Variants in C12orf42 observed in about 807,000 individuals in gnomAD.
C12orf42 encodes chromosome 12 open reading frame 42, also known as uncharacterized protein C12orf42.
C12orf42 carries 25 observed loss-of-function variants against 21.6 expected under a neutral mutation model. The observed-to-expected ratio is 1.16, with a 90% confidence interval of 0.84 to 1.62. C12orf42 has a LOEUF of 1.62. C12orf42 is among the 40% of genes most tolerant of loss of function. The probability of loss-of-function intolerance (pLI) is 0.00; values close to 1 mark genes in which losing one functional copy is unlikely to be tolerated. For synonymous variants in C12orf42, 174 were observed against 175.0 expected (o/e 0.99, Z 0.05); for missense variants, 483 against 459.3 (o/e 1.05, Z -0.47).
At chr12:103,133,328 A>T in the C12orf42 span, among the ~76,000 whole-genome samples, 4 of 152,072 alleles carry the variant, frequency 2.6e-5, no homozygotes, top group Admixed American at 2.0e-4. Context: ...GAAGCTTAAG[A>T]ACCCACCCAC....
In C12orf42 at chr12:103,302,242, C is replaced by T. The variant is rs532571673; in HGVS notation, c.949G>A (p.Gly317Ser). 5.6e-6 allele frequency: 9 copies of T among 1,611,534 alleles called. No homozygotes were observed. In the South Asian group the frequency reaches 8.8e-5, roughly 16 times the overall value. Reference protein sequence around the residue: ...LAGAPLPLLAGASTHFPSKRL... With the variant: ...LAGAPLPLLASASTHFPSKRL... ...TTGGAGGGGAAATGGGTGGAAGCAC[C>T]GGCCAGCAGAGGAAGGGGCGCTCCT... is the stretch of plus-strand genomic sequence containing the variant. Residue 317 changes from glycine to serine, a missense_variant, in exon 6 of 6, where the codon GGT (glycine) becomes AGT (serine). Gly to Ser is a moderately conservative substitution (Grantham distance 56). Transcript: ENST00000548883.
chr12:103,088,621 C>T, the C12orf42 span, among the ~76,000 whole-genome samples: 2 of 152,188 alleles, frequency 1.3e-5, no homozygotes, highest in African/African-American at 2.4e-5. Context: ...TGCGGAGTCT[C>T]CTCCTATATG....
At chr12:103,328,099 G>T (rs2040873980) in intron 4 of C12orf42, among the ~76,000 whole-genome samples, 1 of 152,140 alleles carries the variant, frequency 6.6e-6, no homozygotes, top group Non-Finnish European at 1.5e-5. Context: ...TCTTCATGGT[G>T]ATAAATGGTC....
chr12:103,416,850 G>T (rs544501633), intron 2 of C12orf42, among the ~76,000 whole-genome samples: 117 of 152,282 alleles, frequency 7.7e-4, no homozygotes, highest in African/African-American at 2.8e-3. Flanking sequence ...TTCAAAGCAA[G>T]CTTTGCAACT....
intron 2 of C12orf42, among the ~76,000 whole-genome samples, chr12:103,417,130 T>C (rs2049421880): frequency 6.6e-6 from 1 of 152,144 alleles, no homozygotes; most frequent in Non-Finnish European, 1.5e-5. Context: ...GAACATAAAC[T>C]AAAAAGAGTA....
At chr12:103,430,607 T>C (rs1309061805) in intron 2 of C12orf42, among the ~76,000 whole-genome samples, 1 of 152,172 alleles carries the variant, frequency 6.6e-6, no homozygotes, top group African/African-American at 2.4e-5. Flanking sequence ...GCAAACCCAT[T>C]ACTGGGTATA....
intron 2 of C12orf42, among the ~76,000 whole-genome samples, chr12:103,441,786 G>A (rs1159878969): frequency 2.6e-5 from 4 of 152,132 alleles, no homozygotes; most frequent in Admixed American, 2.6e-4. Flanking sequence ...TTGAGAAAAG[G>A]GGAAGTGTGA....
intron 4 of C12orf42, among the ~76,000 whole-genome samples, chr12:103,290,862 T>C (rs569041805): frequency 6.6e-6 from 1 of 151,966 alleles, no homozygotes; most frequent in Non-Finnish European, 1.5e-5. Context: ...TAATGAATGC[T>C]AGAGACTCTA....
chr12:103,388,407 C>T (rs956433965), intron 3 of C12orf42, among the ~76,000 whole-genome samples: 2 of 152,170 alleles, frequency 1.3e-5, no homozygotes, highest in Admixed American at 6.5e-5. Flanking sequence ...TTCTGGATCC[C>T]CTGCCCCATG....
At chr12:103,189,496 G>A in the C12orf42 span, among the ~76,000 whole-genome samples, 8 of 152,078 alleles carry the variant, frequency 5.3e-5, no homozygotes, top group African/African-American at 1.4e-4. Flanking sequence ...CTTCCAAATG[G>A]GACACAAAAA....
intron 4 of C12orf42, among the ~76,000 whole-genome samples, chr12:103,334,741 G>A (rs534716976): frequency 2.8e-4 from 42 of 152,168 alleles, no homozygotes; most frequent in African/African-American, 9.9e-4. Flanking sequence ...CAAAGAAATC[G>A]CTCGGCCAAC....
At chr12:103,181,294 AT>A in the C12orf42 span, among the ~76,000 whole-genome samples, 3 of 152,024 alleles carry the variant, frequency 2.0e-5, no homozygotes, top group African/African-American at 7.2e-5. Flanking sequence ...ATTAAAAAAA[AT>A]AAAAAATGAA....
intron 4 of C12orf42, among the ~76,000 whole-genome samples, chr12:103,319,844 T>C (rs2136829027): frequency 6.6e-6 from 1 of 152,328 alleles, no homozygotes; most frequent in African/African-American, 2.4e-5. Context: ...ACTTTGACCA[T>C]ACATCTTCCA....
At chr12:103,460,112 C>G (rs1351317840) in intron 2 of C12orf42, among the ~76,000 whole-genome samples, 5 of 152,094 alleles carry the variant, frequency 3.3e-5, no homozygotes, top group Non-Finnish European at 7.4e-5. Context: ...TGGATAAATA[C>G]CAAAAGCTCA....
At chr12:103,386,250 T>C (rs1056521454) in intron 3 of C12orf42, among the ~76,000 whole-genome samples, 2 of 152,202 alleles carry the variant, frequency 1.3e-5, no homozygotes, top group African/African-American at 4.8e-5. Context: ...TTATTCTGCT[T>C]GTGTTTGTCA....
intron 4 of C12orf42, 21 bp from the exon 5 acceptor site, chr12:103,306,366 C>G (rs368680339): frequency 2.7e-4 from 416 of 1,559,832 alleles, no homozygotes; most frequent in Non-Finnish European, 3.4e-4. Context: ...TAAATACATT[C>G]GTTTGAAAAA....
chr12:103,530,478 G>A, the C12orf42 span, among the ~76,000 whole-genome samples: 5,381 of 152,288 alleles, frequency 0.035, 129 homozygotes, highest in South Asian at 0.067. Flanking sequence ...CATTTGTGAC[G>A]AGTGGGAAAG....
At chr12:103,467,031 G>A (rs7961410) in intron 2 of C12orf42, among the ~76,000 whole-genome samples, 89,804 of 152,070 alleles carry the variant, frequency 0.59, 27,711 homozygotes, top group Admixed American at 0.7. Flanking sequence ...CCACAGACAT[G>A]TGAGGGAGCC....
intron 4 of C12orf42, among the ~76,000 whole-genome samples, chr12:103,327,638 A>G (rs943721175): frequency 6.6e-6 from 1 of 152,224 alleles, no homozygotes; most frequent in South Asian, 2.1e-4. Flanking sequence ...CACCAGATAA[A>G]ACATTTTGAT....
Sources: gnomAD v4.1 joint callset for allele counts (sites outside exome capture counted in the v4.1 genomes callset) on GRCh38, gnomAD v4.1.1 for gene constraint, MANE v1.5 for transcripts, NCBI Gene and HGNC (gene_info 2026-07-23, HGNC 2026-07-21) for gene names.